The following CCL28 variants were observed in gnomAD, a reference collection of about 807,000 sequenced individuals.
The protein encoded by CCL28 is C-C motif chemokine ligand 28.
A neutral mutation model predicts 7.1 loss-of-function variants in CCL28; 4 were observed. The observed-to-expected ratio is 0.56, with a 90% CI of 0.28 to 1.29. The LOEUF is 1.29. Among genes scored for constraint, CCL28 ranks in the 50% most tolerant of loss-of-function variants. The pLI, the probability that CCL28 is intolerant of heterozygous loss-of-function variation, is 0.11. For synonymous variants in CCL28, 55 were observed against 57.8 expected (o/e 0.95, Z 0.22); for missense variants, 151 against 163.4 (o/e 0.92, Z 0.41).
the CCL28 span, among the ~76,000 whole-genome samples, chr5:43,361,961 A>G: frequency 6.6e-6 from 1 of 151,356 alleles, no homozygotes; most frequent in Admixed American, 6.6e-5. Flanking sequence ...TTTGCTTAGG[A>G]TTGCCTTGGC....
At chr5:43,371,715 C>G (rs926878413), downstream of CCL28, among the ~76,000 whole-genome samples, 58 of 152,226 alleles carry the variant, frequency 3.8e-4, no homozygotes, top group Admixed American at 6.5e-4. Context: ...AGCTGAGCCA[C>G]TCCCAAATTC....
Position 43,412,336 on chromosome 5 carries a change from A to G in CCL28, c.-20T>C. On this transcript the variant is annotated 5_prime_UTR_variant, in exon 1 of 3. Transcript: ENST00000361115. ...CTGCATTCCTGCCTGCCCTACTGGC[A>G]CTGACAGCAACACAAGTGAGGCTGT... 6.2e-7 allele frequency: 1 copy of G among 1,608,162 alleles called. No homozygotes were observed. Among genetic ancestry groups the G allele is most frequent in the Non-Finnish European group, 8.5e-7 (1 of 1,176,468 alleles).
chr5:43,403,756 C>A (rs1020051461), intron 1 of CCL28, among the ~76,000 whole-genome samples: 14 of 152,086 alleles, frequency 9.2e-5, no homozygotes. Context: ...AAGTTAAAAA[C>A]CTTGAAAAAA....
rs774567128 is a variant in CCL28, at chr5:43,412,273, G to T, written c.44C>A (p.Ala15Glu). The T allele has an allele frequency of 2.5e-6, 4 of 1,612,108 alleles. No homozygotes were observed. Among genetic ancestry groups the T allele is most frequent in the Non-Finnish European group, 1.7e-6 (2 of 1,178,980 alleles). Residue 15 changes from alanine to glutamate, a missense_variant, in exon 1 of 3, where the codon GCG (alanine) becomes GAG (glutamate). Transcript: ENST00000361115. ...CTCACCTTCTGAGGCATGTAGGGCCGCACAGACAGCCAAGGCCACGATGGC... is the reference window on the plus strand; with the variant it reads ...CTCACCTTCTGAGGCATGTAGGGCCTCACAGACAGCCAAGGCCACGATGGC... ...GLAIVALAVC[A>E]ALHASEAILP...
At chr5:43,395,076 G>A (rs933124440) in intron 1 of CCL28, among the ~76,000 whole-genome samples, 19 of 151,146 alleles carry the variant, frequency 1.3e-4, no homozygotes, top group African/African-American at 3.9e-4. Flanking sequence ...TCCTTTGAAA[G>A]AGTTTGTATA....
chr5:43,388,651 A>G (rs908053178), intron 1 of CCL28, among the ~76,000 whole-genome samples, 175 bp from the exon 2 acceptor site: 3 of 152,228 alleles, frequency 2.0e-5, no homozygotes, highest in Non-Finnish European at 4.4e-5. Flanking sequence ...AATTTAAGCT[A>G]TATTTGTGAA....
At position 43,399,979 on chromosome 5, in the gene CCL28, C is replaced by T. The variant is rs546793157; in HGVS notation, c.65-11503G>A. On this transcript the variant is annotated intron_variant, in intron 1 of 2. Transcript: ENST00000361115. ...TCCTGCCTTAGCTGCCCAAGTAGCT[C>T]GGACTACAGGTGCACCCCACTATGC... 1.0e-3 allele frequency among the ~76,000 whole-genome samples: 156 copies of T among 151,750 alleles called. 1 individual carries two copies. The highest frequency in any genetic ancestry group is 2.7e-3 in the South Asian group (13 of 4,804).
chr5:43,391,235 T>C (rs1740559542), intron 1 of CCL28, among the ~76,000 whole-genome samples: 1 of 152,174 alleles, frequency 6.6e-6, no homozygotes, highest in South Asian at 2.1e-4. Context: ...AGAATATGAA[T>C]AGGGCAGTAA....
At chr5:43,395,893 G>T (rs1238086090) in intron 1 of CCL28, among the ~76,000 whole-genome samples, 1 of 120,060 alleles carries the variant, frequency 8.3e-6, no homozygotes, top group African/African-American at 3.3e-5. Context: ...ACGGAGTATC[G>T]CTCTGTATCG....
At chr5:43,373,940 G>A (rs1353191170), downstream of CCL28, among the ~76,000 whole-genome samples, 1 of 152,186 alleles carries the variant, frequency 6.6e-6, no homozygotes, top group Non-Finnish European at 1.5e-5. Context: ...CAGGCTGAGG[G>A]CATGAAAAGT....
At chr5:43,408,764 T>C (rs1293052351) in intron 1 of CCL28, among the ~76,000 whole-genome samples, 1 of 152,128 alleles carries the variant, frequency 6.6e-6, no homozygotes, top group Non-Finnish European at 1.5e-5. Context: ...AGAGGGACTT[T>C]CCTTTTTTTA....
chr5:43,361,408 G>A, the CCL28 span, among the ~76,000 whole-genome samples: 1 of 152,136 alleles, frequency 6.6e-6, no homozygotes, highest in Non-Finnish European at 1.5e-5. Flanking sequence ...TGGATGCATA[G>A]TTTGCAAATA....
intron 1 of CCL28, among the ~76,000 whole-genome samples, chr5:43,396,306 G>A (rs1740801715): frequency 6.6e-6 from 1 of 152,194 alleles, no homozygotes; most frequent in South Asian, 2.1e-4. Context: ...GTTTTGGTAG[G>A]ATTTAGCCGG....
intron 1 of CCL28, among the ~76,000 whole-genome samples, chr5:43,404,914 G>T (rs1334740199): frequency 6.6e-6 from 1 of 152,064 alleles, no homozygotes; most frequent in Non-Finnish European, 1.5e-5. Flanking sequence ...GACAAAGAAG[G>T]CCATTACATA....
intron 1 of CCL28, among the ~76,000 whole-genome samples, chr5:43,408,614 T>G (rs972715229): frequency 6.6e-6 from 1 of 152,078 alleles, no homozygotes; most frequent in Non-Finnish European, 1.5e-5. Context: ...ATTGTGCACA[T>G]GTACCCTAGA....
the CCL28 span, among the ~76,000 whole-genome samples, chr5:43,365,332 T>G: frequency 6.6e-6 from 1 of 152,202 alleles, no homozygotes; most frequent in Non-Finnish European, 1.5e-5. Flanking sequence ...TTTGCCAGTC[T>G]GTGTCTTTTA....
Position 43,403,490 on chromosome 5 carries a change from C to A in CCL28, c.64+8763G>T, listed in dbSNP as rs545282404. Among the ~76,000 whole-genome samples the A allele has an allele frequency of 5.9e-5, 9 of 152,256 alleles. No individual in the cohort carries two copies. The South Asian group carries it at 1.9e-3, about 32-fold the overall frequency. On this transcript the variant is annotated intron_variant, in intron 1 of 2. Coordinates refer to ENST00000361115, the MANE Select transcript of CCL28 (RefSeq NM_148672.3). ...AAAACTAACAAACAGAAAGGACATC[C>A]ACACCAAAACCCCATCTGTACGTCA...
At chr5:43,359,272 C>A in the CCL28 span, among the ~76,000 whole-genome samples, 2 of 152,088 alleles carry the variant, frequency 1.3e-5, no homozygotes. Context: ...AGAGATTTAC[C>A]CACATATTTA....
downstream of CCL28, among the ~76,000 whole-genome samples, chr5:43,373,552 G>A (rs767823533): frequency 4.6e-5 from 7 of 152,160 alleles, no homozygotes; most frequent in Middle Eastern, 3.4e-3. Flanking sequence ...CACCTGCCTC[G>A]GCCTCCCAGA....
Sources: allele counts gnomAD v4.1 joint callset (sites outside exome capture counted in the v4.1 genomes callset), GRCh38; gene constraint gnomAD v4.1.1; transcripts MANE v1.5; gene names NCBI Gene and HGNC (gene_info 2026-07-23, HGNC 2026-07-21).